LRP2: variants seen among roughly 807,000 people sequenced by gnomAD.
LRP2 encodes low-density lipoprotein receptor-related protein 2.
In LRP2, 172 loss-of-function variants were observed where a neutral mutation model predicts 531.0. The observed-to-expected ratio is 0.32, with a 90% CI of 0.29 to 0.37. The LOEUF is 0.37. Ranked by LOEUF, LRP2 falls within the 10% of genes least tolerant of loss-of-function variation. The pLI, the probability that LRP2 is intolerant of heterozygous loss-of-function variation, is 1.00. For missense variants in LRP2, 5,167 were observed against 5,868.3 expected, an observed-to-expected ratio of 0.88 and a Z score of 3.90; for synonymous variants, 1,992 against 2,027.6, an observed-to-expected ratio of 0.98 and a Z score of 0.47.
In LRP2 at chr2:169,226,524, C is replaced by A. The variant is rs766387700; in HGVS notation, c.5292G>T (p.Glu1764Asp). 5.6e-6 allele frequency: 9 copies of A among 1,613,148 alleles called. No homozygotes were observed. In the East Asian group the frequency reaches 1.8e-4, roughly 32 times the overall value. Reference protein sequence around the residue: ...HIIFGISLNPEVKSNDAMVPI... With the variant: ...HIIFGISLNPDVKSNDAMVPI... ...GGACCATAGCATCATTGCTCTTCACCTCAGGATTAAGGGAGATTCCAAAAA... is the reference window on the plus strand; with the variant it reads ...GGACCATAGCATCATTGCTCTTCACATCAGGATTAAGGGAGATTCCAAAAA... The change falls in exon 32 of 79, where the codon GAG (glutamate) becomes GAT (aspartate). Residue 1764 changes from glutamate to aspartate, a missense_variant. Glu to Asp is a conservative substitution (Grantham distance 45). This residue lies in a region of LRP2 where 2,811 missense variants were observed against 3,058.0 expected (regional missense o/e 0.92). Coordinates refer to ENST00000649046, the MANE Select transcript of LRP2 (RefSeq NM_004525.3).
intron 1 of LRP2, among the ~76,000 whole-genome samples, chr2:169,350,457 G>A (rs1286527807): frequency 1.3e-5 from 2 of 152,062 alleles, no homozygotes; most frequent in East Asian, 1.9e-4. Flanking sequence ...CTGAGGCCAG[G>A]CACAGTGGTT....
At chr2:169,323,874 C>T (rs1016183755) in intron 1 of LRP2, among the ~76,000 whole-genome samples, 9 of 151,192 alleles carry the variant, frequency 6.0e-5, no homozygotes, top group Middle Eastern at 3.2e-3. Flanking sequence ...AAAAATCCCT[C>T]TAGTAAAAAC....
intron 1 of LRP2, among the ~76,000 whole-genome samples, chr2:169,325,811 T>A (rs963183233): frequency 9.2e-5 from 14 of 152,040 alleles, no homozygotes; most frequent in African/African-American, 1.4e-4. Flanking sequence ...GTTTTTTTTT[T>A]AATCCAGTTT....
rs1290356107 is a variant in LRP2 at position 169,243,440 on chromosome 2, G to A, written c.3513C>T (p.Asp1171=). ...CATCAGATCCATCAACACAATCCTT[G>A]TCACCATCACAGACAAACGATAGGT... ...CIDLSFVCDG[D]KDCVDGSDEV... is the part of the protein sequence containing the mutation. The change falls in exon 23 of 79, where the codon GAC becomes GAT. Residue 1171 remains aspartate, a synonymous_variant. Coordinates refer to ENST00000649046, the MANE Select transcript of LRP2 (RefSeq NM_004525.3). 2 of 1,613,986 alleles carry A rather than the reference G, an allele frequency of 1.2e-6. No individual in the cohort carries two copies. Among genetic ancestry groups the A allele is most frequent in the Non-Finnish European group, 1.7e-6 (2 of 1,180,002 alleles).
intron 16 of LRP2, among the ~76,000 whole-genome samples, chr2:169,270,698 T>C (rs887546172): frequency 2.6e-5 from 4 of 151,692 alleles, no homozygotes; most frequent in Admixed American, 6.6e-5. Context: ...GGCACATGTA[T>C]ACATATGTAA....
chr2:169,326,266 G>A (rs995639011), intron 1 of LRP2, among the ~76,000 whole-genome samples: 5 of 144,648 alleles, frequency 3.5e-5, no homozygotes, highest in Non-Finnish European at 6.0e-5. Flanking sequence ...CTGATGCCGA[G>A]CCGAAGCTGG....
rs372624479 is a variant in LRP2 at position 169,128,467 on chromosome 2, G to A, written c.*196C>T. 2.3e-5 allele frequency: 13 copies of A among 571,612 alleles called. No individual in the cohort carries two copies. The highest frequency in any genetic ancestry group is 2.1e-4 in the African/African-American group (11 of 53,136). 35.4% of individuals were successfully genotyped at this position (571,612 alleles called of 1,614,324 possible). On this transcript the variant is annotated 3_prime_UTR_variant, in exon 79 of 79. Coordinates refer to ENST00000649046, the MANE Select transcript of LRP2 (RefSeq NM_004525.3). ...ACTTCAGTGCAAAGATATACATATA[G>A]TACATTGTGATAATTATTTGTAAAA...
Position 169,206,624 on chromosome 2 carries a change from G to T in LRP2, c.7096C>A (p.Pro2366Thr), listed in dbSNP as rs1244419789. 3 of 1,613,986 alleles carry T rather than the reference G, an allele frequency of 1.9e-6. No homozygotes were observed. Among genetic ancestry groups the T allele is most frequent in the Non-Finnish European group, 2.5e-6 (3 of 1,180,022 alleles). ...LCFALPGLHTPKCDCAFGTLQ... is the reference protein window; with the variant it reads ...LCFALPGLHTTKCDCAFGTLQ... Reference sequence around the variant, plus strand: ...GTCCCAAAGGCACAGTCACATTTTGGGGTGTGCAATCCAGGCAGAGCAAAG... The same window carrying T: ...GTCCCAAAGGCACAGTCACATTTTGTGGTGTGCAATCCAGGCAGAGCAAAG... Residue 2366 changes from proline to threonine, a missense_variant, in exon 39 of 79, where the codon CCA becomes ACA. Around this residue, in one of 6 missense-constraint regions of LRP2, gnomAD observed 2,811 missense variants for 3,058.0 expected, o/e 0.92. Transcript: ENST00000649046.
rs1686097917 is a variant in LRP2, at chr2:169,150,990, A to G, written c.12498T>C (p.Ile4166=). The G allele has an allele frequency of 6.2e-7, 1 of 1,613,886 alleles. No homozygotes were observed. Among genetic ancestry groups the G allele is most frequent in the African/African-American group, 1.3e-5 (1 of 74,906 alleles). The change falls in exon 68 of 79, where the codon ATT becomes ATC. Residue 4166 remains isoleucine, a synonymous_variant. Transcript: ENST00000649046. ...ACCTTCCATCAAGTTTAGCCACCTCAATGCGTTTATTCTTGACATCTGACC... is the reference window on the plus strand; with the variant it reads ...ACCTTCCATCAAGTTTAGCCACCTCGATGCGTTTATTCTTGACATCTGACC... The part of the protein sequence containing the change: ...IYWSDVKNKR[I]EVAKLDGRYR...
In LRP2 at chr2:169,213,788, T is replaced by C. The variant is rs1183810978; in HGVS notation, c.5909A>G (p.Asp1970Gly). Residue 1970 changes from aspartate to glycine, a missense_variant, in exon 36 of 79, where the codon GAT becomes GGT. Physicochemically the swap from Asp to Gly is moderately conservative, Grantham distance 94 (BLOSUM62 -1). Coordinates refer to ENST00000649046, the MANE Select transcript of LRP2 (RefSeq NM_004525.3). ...TTCATCAGTATAATAAAGGAAAGAATCATGGACTGCAATTCCCCAGGGGTG... is the reference window on the plus strand; with the variant it reads ...TTCATCAGTATAATAAAGGAAAGAACCATGGACTGCAATTCCCCAGGGGTG... ...LSHPWGIAVH[D>G]SFLYYTDEQY... The C allele has an allele frequency of 6.2e-7, 1 of 1,613,830 alleles. No individual in the cohort carries two copies. Among genetic ancestry groups the C allele is most frequent in the South Asian group, 1.1e-5 (1 of 91,072 alleles).
intron 1 of LRP2, among the ~76,000 whole-genome samples, chr2:169,330,385 G>A (rs1685233108): frequency 6.6e-6 from 1 of 152,154 alleles, no homozygotes; most frequent in Non-Finnish European, 1.5e-5. Context: ...TCTCAATTCT[G>A]AGCAATGAGA....
At chr2:169,256,539 G>A (rs1265108683) in intron 18 of LRP2, among the ~76,000 whole-genome samples, 1 of 152,010 alleles carries the variant, frequency 6.6e-6, no homozygotes, top group Non-Finnish European at 1.5e-5. Flanking sequence ...AGTAATCTAT[G>A]TTTAAAAGGT....
intron 9 of LRP2, among the ~76,000 whole-genome samples, chr2:169,288,011 C>G (rs970468375): frequency 1.3e-5 from 2 of 151,914 alleles, no homozygotes; most frequent in Non-Finnish European, 2.9e-5. Flanking sequence ...TATAAATATC[C>G]TGGGAAAATT....
Position 169,174,099 on chromosome 2 carries a change from G to T in LRP2, c.10834C>A (p.Gln3612Lys). 2 of 1,614,226 alleles carry T rather than the reference G, an allele frequency of 1.2e-6. No individual in the cohort carries two copies. Among genetic ancestry groups the T allele is most frequent in the Non-Finnish European group, 8.5e-7 (1 of 1,180,036 alleles). The change falls in exon 56 of 79, where the codon CAG becomes AAG. Residue 3612 changes from glutamine to lysine, a missense_variant. Coordinates refer to ENST00000649046, the MANE Select transcript of LRP2 (RefSeq NM_004525.3). ...ANKRCIPESW[Q>K]CDTFNDCEDN... is the part of the protein sequence containing the mutation. ...TCACAGTCGTTAAATGTGTCACACT[G>T]CCAGGATTCTGGGATGCAACGTTTG...
intron 50 of LRP2, among the ~76,000 whole-genome samples, chr2:169,184,206 T>G (rs1274130822): frequency 6.6e-6 from 1 of 152,216 alleles, no homozygotes; most frequent in Non-Finnish European, 1.5e-5. Context: ...ACAAGAACAG[T>G]ACCATGCTCA....
intron 24 of LRP2, among the ~76,000 whole-genome samples, chr2:169,242,245 T>C (rs1689834251): frequency 6.6e-6 from 1 of 152,230 alleles, no homozygotes. Context: ...GATGAGTTTT[T>C]GCAAGTCTAA....
rs1553508684 is a variant in LRP2, at chr2:169,284,256, C to CTCTTTTTT, written c.1043-1256_1043-1255insAAAAAAGA. ...CTTTTCTTTTCTTTTTCTTTTTTTT[C>CTCTTTTTT]TTTTTTTTTTTTTTTTTTTTTTTTT... On this transcript the variant is annotated intron_variant, in intron 9 of 78. Transcript: ENST00000649046. Among the ~76,000 whole-genome samples the CTCTTTTTT allele has an allele frequency of 7.2e-5, 7 of 96,668 alleles. 2 individuals carry two copies. The highest frequency in any genetic ancestry group is 5.5e-4 in the East Asian group (2 of 3,664). 63.4% of individuals were successfully genotyped at this position (96,668 alleles called of 152,430 possible).
intron 50 of LRP2, 144 bp downstream of exon 50, chr2:169,185,359 T>C (rs1687597179): frequency 2.5e-5 from 18 of 733,538 alleles, no homozygotes; most frequent in Non-Finnish European, 2.7e-5. Flanking sequence ...GAATATCAGA[T>C]ACAAAGCAGA....
intron 33 of LRP2, among the ~76,000 whole-genome samples, chr2:169,223,323 C>T (rs1342547366): frequency 6.6e-6 from 1 of 152,210 alleles, no homozygotes; most frequent in Non-Finnish European, 1.5e-5. Flanking sequence ...GTACCTAACA[C>T]TAATGGGAAA....
Sources: gnomAD v4.1 joint callset for allele counts (sites outside exome capture counted in the v4.1 genomes callset) on GRCh38, gnomAD v4.1.1 for gene constraint, gnomAD v4.1.1 regional missense constraint, MANE v1.5 for transcripts, NCBI Gene and HGNC (gene_info 2026-07-23, HGNC 2026-07-21) for gene names.